Variants in ADH4 observed in about 807,000 individuals in gnomAD.
ADH4 encodes the protein all-trans-retinol dehydrogenase [NAD(+)] ADH4.
In ADH4, 31 loss-of-function variants were observed where a neutral mutation model predicts 35.2. The ratio of observed to expected loss-of-function variants is 0.88; its 90% CI spans 0.66 to 1.19. The LOEUF (loss-of-function observed/expected upper bound fraction) is 1.19. Among genes scored for constraint, ADH4 ranks in the 50% most tolerant of loss-of-function variants. The pLI is 0.00. For missense variants in ADH4, 476 were observed against 458.3 expected (o/e 1.04, Z -0.35); for synonymous variants, 171 against 160.2 (o/e 1.07, Z -0.51).
In ADH4 at chr4:99,142,705, G is replaced by T; in HGVS notation, c.94C>A (p.Pro32Thr). 6.2e-7 allele frequency: 1 copy of T among 1,600,714 alleles called. No homozygotes were observed. Among genetic ancestry groups the T allele is most frequent in the Non-Finnish European group, 8.5e-7 (1 of 1,175,180 alleles). Residue 32 changes from proline (P) to threonine (T), a missense_variant, in exon 2 of 9, where the codon CCC becomes ACC. Physicochemically the swap from Pro to Thr is conservative, Grantham distance 38. Transcript: ENST00000265512. ...TGAATGCGAACTTCATGAGCCTTGG[G>T]GGGAGCTACTTCAACCTCTTCAATG... ...LCIEEVEVAPPKAHEVRIQII... is the reference protein window; with the variant it reads ...LCIEEVEVAPTKAHEVRIQII...
In ADH4 at chr4:99,140,487, T is replaced by C. The variant is rs1347191458; in HGVS notation, c.262+1054A>G. Among the ~76,000 whole-genome samples the C allele has an allele frequency of 3.9e-5, 6 of 152,054 alleles. No homozygotes were observed. In the South Asian group the frequency reaches 8.3e-4, roughly 21 times the overall value. On this transcript the variant is annotated intron_variant, in intron 3 of 8. Transcript: ENST00000265512. ...TACTCTGGAGGCTGAGGCACAAGATTTGTGTGAACTTGGGAGGTGCAGGTT... is the reference window on the plus strand; with the variant it reads ...TACTCTGGAGGCTGAGGCACAAGATCTGTGTGAACTTGGGAGGTGCAGGTT...
At position 99,136,619 on chromosome 4, in the gene ADH4, A is replaced by C; in HGVS notation, c.429T>G (p.Val143=). 6.2e-7 allele frequency: 1 copy of C among 1,614,172 alleles called. No individual in the cohort carries two copies. Among genetic ancestry groups the C allele is most frequent in the South Asian group, 1.1e-5 (1 of 91,084 alleles). ...TSRFTCKGKP[V]YHFFGTSTFS... is the part of the protein sequence containing the mutation. ...ATGTACTGGTTCCAAAGAAATGGTA[A>C]ACTGGTTTTCCTTTGCAGGTAAACC... Residue 143 remains valine (V), a synonymous_variant, in exon 5 of 9, where the codon GTT becomes GTG. Transcript: ENST00000265512.
At chr4:99,132,570 T>G (rs1729318985) in intron 5 of ADH4, among the ~76,000 whole-genome samples, 1 of 152,210 alleles carries the variant, frequency 6.6e-6, no homozygotes, top group South Asian at 2.1e-4. Flanking sequence ...GGCAGAAACT[T>G]TTTAAATTCC....
intron 8 of ADH4, among the ~76,000 whole-genome samples, chr4:99,126,079 A>C (rs1288809710): frequency 2.0e-5 from 3 of 152,204 alleles, no homozygotes; most frequent in African/African-American, 7.2e-5. Flanking sequence ...GGAGCACTGT[A>C]TAACTAAAAT....
At chr4:99,142,650 G>C (rs759776797) in intron 2 of ADH4, 29 bp downstream of exon 2, 1 of 1,475,136 alleles carries the variant, frequency 6.8e-7, no homozygotes, top group East Asian at 2.4e-5. Context: ...GGCCCTGTCT[G>C]TTCCCACCCA....
At position 99,131,489 on chromosome 4, in the gene ADH4, A is replaced by T; in HGVS notation, c.843+15T>A. The stretch of plus-strand genomic sequence containing the variant: ...AATACATTGAAAATATGATCCAAGA[A>T]CAAAATATACATACCATGGTTTCAG... On this transcript the variant is annotated intron_variant, in intron 6 of 8. Coordinates refer to ENST00000265512, the MANE Select transcript of ADH4 (RefSeq NM_000670.5). 1 of 1,605,004 alleles carries T rather than the reference A, an allele frequency of 6.2e-7. No individual in the cohort carries two copies. Among genetic ancestry groups the T allele is most frequent in the East Asian group, 2.2e-5 (1 of 44,780 alleles).
chr4:99,136,621 C>T lies in ADH4; in HGVS notation c.427G>A (p.Val143Ile). 6.2e-7 allele frequency: 1 copy of T among 1,614,100 alleles called. No individual in the cohort carries two copies. The change falls in exon 5 of 9, where the codon GTT (valine) becomes ATT (isoleucine). Residue 143 changes from valine to isoleucine, a missense_variant. Transcript: ENST00000265512. ...TSRFTCKGKPVYHFFGTSTFS... is the reference protein window; with the variant it reads ...TSRFTCKGKPIYHFFGTSTFS... ...GTACTGGTTCCAAAGAAATGGTAAA[C>T]TGGTTTTCCTTTGCAGGTAAACCTG... is the stretch of plus-strand genomic sequence containing the variant.
intron 5 of ADH4, among the ~76,000 whole-genome samples, chr4:99,132,197 A>C (rs1468085430): frequency 6.6e-6 from 1 of 152,192 alleles, no homozygotes; most frequent in East Asian, 1.9e-4. Context: ...GTTTGGAATG[A>C]AGTCCAATTT....
At chr4:99,136,356 A>C in intron 5 of ADH4, 110 bp downstream of exon 5, 7 of 824,438 alleles carry the variant, frequency 8.5e-6, no homozygotes, top group Non-Finnish European at 1.4e-5. Context: ...AAAATCACAG[A>C]GGTAATAAAT....
chr4:99,132,865 A>G lies in ADH4; in HGVS notation c.583-1101T>C, dbSNP rs116122956. ...AAATTGGAAACAAAATTACTAAGCA[A>G]CAGGTAAACTGCAATATTTTCCTTA... On this transcript the variant is annotated intron_variant, in intron 5 of 8. Transcript: ENST00000265512. Among the ~76,000 whole-genome samples the G allele has an allele frequency of 3.3e-3, 497 of 152,332 alleles. 3 individuals are homozygous for G. Among genetic ancestry groups the G allele is most frequent in the African/African-American group, 0.011 (473 of 41,590 alleles).
chr4:99,127,203 A>AT lies in ADH4; in HGVS notation c.979+5_979+6insA. The AT allele has an allele frequency of 6.3e-7, 1 of 1,586,752 alleles. No individual in the cohort carries two copies. The highest frequency in any genetic ancestry group is 8.5e-7 in the Non-Finnish European group (1 of 1,171,016). ...ATTTAAAGCTATGAAGAAAAAAAAA[A>AT]CTGACCACCAAAGAATGTTCCATTT... On this transcript the variant is annotated splice_donor_region_variant and intron_variant, in intron 7 of 8. Coordinates refer to ENST00000265512, the MANE Select transcript of ADH4 (RefSeq NM_000670.5).
chr4:99,136,425 A>G (rs779191348), intron 5 of ADH4, 41 bp downstream of exon 5: 6 of 1,536,960 alleles, frequency 3.9e-6, no homozygotes, highest in Non-Finnish European at 5.4e-6. Flanking sequence ...ACTGCCTCCT[A>G]GTAACTTCTG....
At position 99,127,339 on chromosome 4, in the gene ADH4, T is replaced by G. The variant is rs1269331556; in HGVS notation, c.849A>C (p.Ala283=). 1 of 1,582,898 alleles carries G rather than the reference T, an allele frequency of 6.3e-7. No homozygotes were observed. Among genetic ancestry groups the G allele is most frequent in the Non-Finnish European group, 8.6e-7 (1 of 1,166,554 alleles). The change falls in exon 7 of 9, where the codon GCA becomes GCC. Residue 283 remains alanine, a synonymous_variant. Coordinates refer to ENST00000265512, the MANE Select transcript of ADH4 (RefSeq NM_000670.5). The part of the protein sequence containing the change: ...DCAGGSETMK[A]ALDCTTAGWG... Reference sequence around the variant, plus strand: ...AGCCTGCGGTTGTACAGTCCAGGGCTGCTTTCTGTGATGGAGCATAAAAGA... The same window carrying G: ...AGCCTGCGGTTGTACAGTCCAGGGCGGCTTTCTGTGATGGAGCATAAAAGA...
chr4:99,144,136 T>G, intron 1 of ADH4, 69 bp downstream of exon 1: 1 of 1,562,398 alleles, frequency 6.4e-7, no homozygotes. Flanking sequence ...TGAAGGAAGC[T>G]CCTTTTAGCC....
intron 5 of ADH4, chr4:99,133,700 CA>C (rs2110497276): frequency 6.6e-6 from 1 of 152,160 alleles, no homozygotes; most frequent in African/African-American, 2.4e-5. Flanking sequence ...TATATACAAC[CA>C]AAGGAAATGA....
chr4:99,125,357 C>T (rs1329584321), intron 8 of ADH4, among the ~76,000 whole-genome samples: 1 of 152,210 alleles, frequency 6.6e-6, no homozygotes, highest in Admixed American at 6.5e-5. Flanking sequence ...AGGCTGATTA[C>T]CAGGGAAGCC....
At position 99,124,409 on chromosome 4, in the gene ADH4, A is replaced by G. The variant is rs1361067182; in HGVS notation, c.*33T>C. 8 of 1,447,264 alleles carry G rather than the reference A, an allele frequency of 5.5e-6. No homozygotes were observed. Among genetic ancestry groups the G allele is most frequent in the Admixed American group, 1.8e-5 (1 of 56,480 alleles). 89.7% of individuals were successfully genotyped at this position (1,447,264 alleles called of 1,614,324 possible). A position where few individuals can be genotyped will look rare whatever the true frequency, so the allele number is the denominator to read the frequency against. The stretch of plus-strand genomic sequence containing the variant: ...AATTAACCAGGCAGGTTCACATTCA[A>G]TCAGATAGTATTCTGAATTGCTCCT... On this transcript the variant is annotated 3_prime_UTR_variant, in exon 9 of 9. Coordinates refer to ENST00000265512, the MANE Select transcript of ADH4 (RefSeq NM_000670.5).
chr4:99,127,206 G>T lies in ADH4; in HGVS notation c.979+3C>A. 6.3e-7 allele frequency: 1 copy of T among 1,582,486 alleles called. No individual in the cohort carries two copies. Among genetic ancestry groups the T allele is most frequent in the South Asian group, 1.2e-5 (1 of 84,316 alleles). On this transcript the variant is annotated splice_donor_region_variant and intron_variant, in intron 7 of 8. Coordinates refer to ENST00000265512, the MANE Select transcript of ADH4 (RefSeq NM_000670.5). ...TAAAGCTATGAAGAAAAAAAAAACT[G>T]ACCACCAAAGAATGTTCCATTTATA... is the stretch of plus-strand genomic sequence containing the variant.
rs183566869 is a variant in ADH4, at chr4:99,137,373, G to A, written c.351-676C>T. 1.6e-3 allele frequency among the ~76,000 whole-genome samples: 243 copies of A among 152,026 alleles called. 1 individual carries two copies. The highest frequency in any genetic ancestry group is 5.7e-3 in the African/African-American group (238 of 41,460). ...GAACTCCTGACTTCGCTATCCACCC[G>A]CCTCAGCCTCCCAAAGTGCTGGGAT... On this transcript the variant is annotated intron_variant, in intron 4 of 8. Coordinates refer to ENST00000265512, the MANE Select transcript of ADH4 (RefSeq NM_000670.5).
Sources: allele counts gnomAD v4.1 joint callset (sites outside exome capture counted in the v4.1 genomes callset), GRCh38; gene constraint gnomAD v4.1.1; transcripts MANE v1.5; gene names NCBI Gene and HGNC (gene_info 2026-07-23, HGNC 2026-07-21).